Variants in CFAP44 observed in about 807,000 individuals in gnomAD.
CFAP44 encodes the protein cilia and flagella associated protein 44.
A neutral mutation model predicts 216.2 loss-of-function variants in CFAP44; 134 were observed. The ratio of observed to expected loss-of-function variants is 0.62; its 90% CI spans 0.54 to 0.72. CFAP44 has a LOEUF of 0.72. Among genes scored for constraint, CFAP44 ranks in the 30% least tolerant of loss-of-function variants. The pLI is 0.00. For synonymous variants in CFAP44, 700 were observed against 727.6 expected (o/e 0.96, Z 0.61); for missense variants, 2,035 against 2,182.1 (o/e 0.93, Z 1.34).
At chr3:113,425,770 A>G (rs1336042321) in intron 4 of CFAP44, among the ~76,000 whole-genome samples, 1 of 152,226 alleles carries the variant, frequency 6.6e-6, no homozygotes, top group African/African-American at 2.4e-5. Flanking sequence ...GGCATCAAAC[A>G]AAAGCTTAGT....
rs1949812173 is a variant in CFAP44, at chr3:113,289,836, T to C, written c.*1721A>G. On this transcript the variant is annotated 3_prime_UTR_variant, in exon 35 of 35. Coordinates refer to ENST00000393845, the MANE Select transcript of CFAP44 (RefSeq NM_001164496.2). ...AGAAGTCATATCCCAAGCGGCCCTA[T>C]GGAGAGGCCCACATGGCGAGGAACT... is the stretch of plus-strand genomic sequence containing the variant. The C allele has an allele frequency of 6.6e-6, 1 of 152,262 alleles. No homozygotes were observed. The highest frequency in any genetic ancestry group is 1.5e-5 in the Non-Finnish European group (1 of 68,094). The allele number at this position is 152,262 out of a possible 1,614,324, so 9.4% of individuals were successfully genotyped here.
intron 28 of CFAP44, among the ~76,000 whole-genome samples, chr3:113,311,359 ATAAT>A (rs1381238036): frequency 2.6e-5 from 4 of 152,200 alleles, no homozygotes; most frequent in Non-Finnish European, 5.9e-5. Context: ...CTGGTGGGAA[ATAAT>A]TTGAATCATG....
rs1447143484 is a variant in CFAP44 at position 113,290,965 on chromosome 3, C to T, written c.*592G>A. ...TGGTTATTTTCCTGCTTTCTGCCAA[C>T]CCAAAGCAAACTGCTCTGCCATGTC... is the stretch of plus-strand genomic sequence containing the variant. On this transcript the variant is annotated 3_prime_UTR_variant, in exon 35 of 35. Coordinates refer to ENST00000393845, the MANE Select transcript of CFAP44 (RefSeq NM_001164496.2). The T allele has an allele frequency of 6.5e-6, 1 of 152,940 alleles. No homozygotes were observed. The highest frequency in any genetic ancestry group is 1.5e-5 in the Non-Finnish European group (1 of 68,574). The allele number at this position is 152,940 out of a possible 1,614,324, so 9.5% of individuals were successfully genotyped here.
intron 28 of CFAP44, 111 bp from the exon 29 acceptor site, chr3:113,308,379 A>G (rs1950005897): frequency 4.9e-6 from 4 of 813,476 alleles, no homozygotes; most frequent in Admixed American, 3.1e-5. Context: ...AAATAACTCA[A>G]TATAAGAGTT....
intron 1 of CFAP44, among the ~76,000 whole-genome samples, chr3:113,439,381 C>T (rs1935307090): frequency 6.6e-6 from 1 of 152,118 alleles, no homozygotes; most frequent in Admixed American, 6.5e-5. Context: ...CACAACCTTA[C>T]ACATAAAAAA....
chr3:113,364,062 G>T (rs532896898), intron 19 of CFAP44, among the ~76,000 whole-genome samples: 7 of 152,164 alleles, frequency 4.6e-5, no homozygotes, highest in African/African-American at 1.7e-4. Flanking sequence ...CCTTGAAAGA[G>T]AAAGATATGA....
chr3:113,325,203 G>C (rs572557951), intron 28 of CFAP44, among the ~76,000 whole-genome samples: 33 of 150,852 alleles, frequency 2.2e-4, no homozygotes, highest in African/African-American at 7.3e-4. Flanking sequence ...TTGGGAGGCT[G>C]AGTCAGGAGA....
Position 113,379,663 on chromosome 3 carries a change from T to C in CFAP44, c.2053-112A>G, listed in dbSNP as rs144023559. 5.1e-6 allele frequency: 4 copies of C among 777,042 alleles called. No individual in the cohort carries two copies. In the Admixed American group the frequency reaches 1.4e-4, roughly 28 times the overall value. The allele number at this position is 777,042 out of a possible 1,614,324, so 48.1% of individuals were successfully genotyped here. A position where few individuals can be genotyped will look rare whatever the true frequency, so the allele number is the denominator to read the frequency against. On this transcript the variant is annotated intron_variant, in intron 16 of 34. Coordinates refer to ENST00000393845, the MANE Select transcript of CFAP44 (RefSeq NM_001164496.2). Reference sequence around the variant, plus strand: ...AGAAGATACACAGCTCTGTAACAAATAATATTTAAAAATACTCACCAATGC... The same window carrying C: ...AGAAGATACACAGCTCTGTAACAAACAATATTTAAAAATACTCACCAATGC...
intron 19 of CFAP44, among the ~76,000 whole-genome samples, chr3:113,364,764 T>C (rs1316495489): frequency 6.6e-6 from 1 of 152,160 alleles, no homozygotes; most frequent in Non-Finnish European, 1.5e-5. Context: ...GGATAGTGTA[T>C]ACAATACTGA....
intron 28 of CFAP44, among the ~76,000 whole-genome samples, chr3:113,320,559 A>ATGTATATATATAATGAAGTTATATG (rs1950136789): frequency 3.4e-5 from 5 of 148,058 alleles, no homozygotes; most frequent in Admixed American, 1.4e-4. Context: ...GAAGTTATAT[A>ATGTATATATATAATGAAGTTATATG]TATGTATATA....
At chr3:113,347,109 G>A (rs1950392473) in intron 22 of CFAP44, among the ~76,000 whole-genome samples, 1 of 152,112 alleles carries the variant, frequency 6.6e-6, no homozygotes. Flanking sequence ...AGAATTCGGG[G>A]GCTAAATACT....
At chr3:113,332,268 A>T (rs1374445185) in intron 25 of CFAP44, among the ~76,000 whole-genome samples, 1 of 152,186 alleles carries the variant, frequency 6.6e-6, no homozygotes, top group Non-Finnish European at 1.5e-5. Flanking sequence ...AACAATCCAA[A>T]TGGTCATTAC....
chr3:113,314,945 CA>C (rs1950073168), intron 28 of CFAP44, among the ~76,000 whole-genome samples: 1 of 151,794 alleles, frequency 6.6e-6, no homozygotes, highest in East Asian at 1.9e-4. Context: ...GAGATGTATT[CA>C]AAAACACTAC....
chr3:113,363,962 A>G (rs1234972682), intron 19 of CFAP44, among the ~76,000 whole-genome samples: 1 of 152,158 alleles, frequency 6.6e-6, no homozygotes, highest in Non-Finnish European at 1.5e-5. Flanking sequence ...ATTTCAATAT[A>G]TATATTTTTA....
chr3:113,313,083 C>T lies in CFAP44; in HGVS notation c.4517-4815G>A, dbSNP rs186595320. ...AGATCCACCAACAGCTTGCACCGTG[C>T]ACCTGGAAAAGCCGCAGACGCTCAA... On this transcript the variant is annotated intron_variant, in intron 28 of 34. Transcript: ENST00000393845. Among the ~76,000 whole-genome samples, 289 of 152,218 alleles carry T rather than the reference C, an allele frequency of 1.9e-3. 2 individuals are homozygous for T. Among genetic ancestry groups the T allele is most frequent in the African/African-American group, 5.7e-3 (236 of 41,508 alleles).
chr3:113,362,618 G>A (rs1306551205), intron 21 of CFAP44, among the ~76,000 whole-genome samples: 1 of 152,082 alleles, frequency 6.6e-6, no homozygotes, highest in Non-Finnish European at 1.5e-5. Flanking sequence ...CATAGTTAAC[G>A]CTCATCACAT....
intron 17 of CFAP44, among the ~76,000 whole-genome samples, chr3:113,376,226 T>A (rs1386058894): frequency 6.6e-6 from 1 of 152,186 alleles, no homozygotes; most frequent in Non-Finnish European, 1.5e-5. Flanking sequence ...TGGATGATTG[T>A]CTCATTTACT....
intron 15 of CFAP44, among the ~76,000 whole-genome samples, chr3:113,387,761 C>T (rs1379260792): frequency 6.6e-6 from 1 of 152,118 alleles, no homozygotes; most frequent in Non-Finnish European, 1.5e-5. Context: ...CTCCCAATTT[C>T]AAGCCTTAGC....
chr3:113,319,805 T>G (rs1950125373), intron 28 of CFAP44, among the ~76,000 whole-genome samples: 1 of 151,638 alleles, frequency 6.6e-6, no homozygotes, highest in Admixed American at 6.6e-5. Flanking sequence ...ATAAACAAGA[T>G]TGCTATATCA....
Sources: allele counts gnomAD v4.1 joint callset (sites outside exome capture counted in the v4.1 genomes callset), GRCh38; gene constraint gnomAD v4.1.1; transcripts MANE v1.5; gene names NCBI Gene and HGNC (gene_info 2026-07-23, HGNC 2026-07-21).